MEGF10: variants seen among roughly 807,000 people sequenced by gnomAD.
The protein encoded by MEGF10 is multiple EGF like domains 10.
In MEGF10, 86 loss-of-function variants were observed where a neutral mutation model predicts 147.5. That is an observed-to-expected ratio of 0.58 (90% CI 0.49 to 0.70). The LOEUF is 0.70. MEGF10 is among the 30% of genes least tolerant of loss of function. The pLI is 0.00. For synonymous variants in MEGF10, 478 were observed against 525.5 expected (o/e 0.91, Z 1.24); for missense variants, 1,329 against 1,487.3 (o/e 0.89, Z 1.75).
chr5:127,395,427 T>C (rs890391728), intron 5 of MEGF10, among the ~76,000 whole-genome samples: 3 of 152,114 alleles, frequency 2.0e-5, no homozygotes, highest in Admixed American at 2.0e-4. Flanking sequence ...AGGCTTGTCT[T>C]ATTTTTTAAA....
chr5:127,247,633 AC>A, the MEGF10 span, among the ~76,000 whole-genome samples: 1 of 152,170 alleles, frequency 6.6e-6, no homozygotes, highest in East Asian at 1.9e-4. Flanking sequence ...ATGTAAAGTG[AC>A]CATTTTAGGC....
chr5:127,353,577 T>C (rs73344963), intron 4 of MEGF10, among the ~76,000 whole-genome samples: 9,662 of 152,300 alleles, frequency 0.063, 642 homozygotes, highest in African/African-American at 0.16. Flanking sequence ...TAAGCAGCGC[T>C]GCTTGCAGCA....
At chr5:127,369,781 C>A in intron 4 of MEGF10, 129 bp from the exon 5 acceptor site, 3 of 637,574 alleles carry the variant, frequency 4.7e-6, no homozygotes, top group Non-Finnish European at 5.3e-6. Context: ...GAGGAACGGA[C>A]TGAAGAAAAT....
intron 4 of MEGF10, among the ~76,000 whole-genome samples, chr5:127,360,848 GTA>G: frequency 1.3e-5 from 2 of 150,754 alleles, no homozygotes; most frequent in African/African-American, 4.9e-5. Context: ...ATATATGTGT[GTA>G]TATATATGTG....
chr5:127,340,217 A>G (rs1052987515), intron 3 of MEGF10, among the ~76,000 whole-genome samples: 1 of 152,126 alleles, frequency 6.6e-6, no homozygotes, highest in African/African-American at 2.4e-5. Flanking sequence ...TAAGGTTTTT[A>G]AGGGAATTCT....
At chr5:127,283,948 A>G in the MEGF10 span, among the ~76,000 whole-genome samples, 2 of 152,228 alleles carry the variant, frequency 1.3e-5, no homozygotes, top group East Asian at 1.9e-4. Context: ...TTGGAATCCC[A>G]TTGTTGCCCC....
intron 5 of MEGF10, among the ~76,000 whole-genome samples, chr5:127,388,289 C>A (rs1315258282): frequency 6.6e-6 from 1 of 151,954 alleles, no homozygotes; most frequent in African/African-American, 2.4e-5. Flanking sequence ...GCTGGGACTA[C>A]AGGTGCATGC....
At chr5:127,437,833 G>A (rs946022172) in intron 16 of MEGF10, among the ~76,000 whole-genome samples, 1 of 152,188 alleles carries the variant, frequency 6.6e-6, no homozygotes. Flanking sequence ...TTTAGAAATT[G>A]TGAACATGAG....
chr5:127,445,500 C>T lies in MEGF10; in HGVS notation c.2535C>T (p.Thr845=), dbSNP rs1580880122. 6.2e-7 allele frequency: 1 copy of T among 1,614,012 alleles called. No individual in the cohort carries two copies. Residue 845 remains threonine (T), a synonymous_variant, in exon 20 of 25, where the codon ACC becomes ACT. Transcript: ENST00000503335. ...IVGNLNSLSR[T]STALPADSYQ... Reference sequence around the variant, plus strand: ...GAAATCTGAACAGCTTAAGCCGAACCAGTACTGCTCTCCCTGCTGATTCCT... The same window carrying T: ...GAAATCTGAACAGCTTAAGCCGAACTAGTACTGCTCTCCCTGCTGATTCCT...
At chr5:127,421,829 T>G (rs1430761242) in intron 12 of MEGF10, among the ~76,000 whole-genome samples, 2 of 150,874 alleles carry the variant, frequency 1.3e-5, no homozygotes, top group African/African-American at 4.8e-5. Context: ...ATTTTTAAGA[T>G]TAGTTTATAA....
At chr5:127,238,558 T>A in the MEGF10 span, among the ~76,000 whole-genome samples, 1 of 152,310 alleles carries the variant, frequency 6.6e-6, no homozygotes, top group South Asian at 2.1e-4. Context: ...ATGTTACAGA[T>A]GTGGACAGAG....
chr5:127,433,062 A>G (rs1445994476), intron 13 of MEGF10, among the ~76,000 whole-genome samples: 1 of 152,204 alleles, frequency 6.6e-6, no homozygotes, highest in Non-Finnish European at 1.5e-5. Context: ...ATTGTTGATA[A>G]ATTTTACTTG....
the MEGF10 span, among the ~76,000 whole-genome samples, chr5:127,248,413 A>T: frequency 1.3e-5 from 2 of 152,262 alleles, no homozygotes; most frequent in Non-Finnish European, 2.9e-5. Flanking sequence ...AGATCCTGAG[A>T]TGATTCAGAT....
At chr5:127,238,057 ATATATATG>A in the MEGF10 span, among the ~76,000 whole-genome samples, 2 of 146,970 alleles carry the variant, frequency 1.4e-5, no homozygotes, top group African/African-American at 5.1e-5. Flanking sequence ...ATATATATAT[ATATATATG>A]TATATACTGA....
the MEGF10 span, among the ~76,000 whole-genome samples, chr5:127,278,605 A>C: frequency 6.6e-6 from 1 of 152,186 alleles, no homozygotes; most frequent in South Asian, 2.1e-4. Context: ...TGGGAGGCCC[A>C]AGGGAAAGAA....
Position 127,402,904 on chromosome 5 carries a change from T to TA in MEGF10, c.917+230dup, listed in dbSNP as rs112880381. 2.9e-3 allele frequency among the ~76,000 whole-genome samples: 441 copies of TA among 151,892 alleles called. 1 individual carries two copies. The highest frequency in any genetic ancestry group is 9.8e-3 in the African/African-American group (404 of 41,434). On this transcript the variant is annotated intron_variant, in intron 8 of 24. Coordinates refer to ENST00000503335, the MANE Select transcript of MEGF10 (RefSeq NM_001256545.2). ...AAATTGAAGATAACAGAAAAAGCACTAAAAAAAAGACCATAAAATATCAGC... is the reference window on the plus strand; with the variant it reads ...AAATTGAAGATAACAGAAAAAGCACTAAAAAAAAAGACCATAAAATATCAGC...
chr5:127,382,055 A>T (rs982898507), intron 5 of MEGF10, among the ~76,000 whole-genome samples: 1 of 152,204 alleles, frequency 6.6e-6, no homozygotes, highest in African/African-American at 2.4e-5. Context: ...AGAACTTTTT[A>T]AAACACTTGA....
At chr5:127,349,009 A>G (rs1016456084) in intron 4 of MEGF10, among the ~76,000 whole-genome samples, 1 of 152,124 alleles carries the variant, frequency 6.6e-6, no homozygotes, top group African/African-American at 2.4e-5. Flanking sequence ...AAGAGCGAGA[A>G]TCCATCTCAA....
the MEGF10 span, among the ~76,000 whole-genome samples, chr5:127,251,965 A>G: frequency 2.0e-5 from 3 of 152,032 alleles, no homozygotes; most frequent in African/African-American, 7.2e-5. Context: ...GATGGATATT[A>G]AAAAGCAATT....
Sources: allele counts gnomAD v4.1 joint callset (sites outside exome capture counted in the v4.1 genomes callset), GRCh38; gene constraint gnomAD v4.1.1; transcripts MANE v1.5; gene names NCBI Gene and HGNC (gene_info 2026-07-23, HGNC 2026-07-21).